DYNLRB2: variants seen among roughly 807,000 people sequenced by gnomAD.
The protein encoded by DYNLRB2 is dynein light chain roadblock-type 2.
In DYNLRB2, 14 loss-of-function variants were observed where a neutral mutation model predicts 12.6. The observed-to-expected ratio is 1.11, with a 90% CI of 0.73 to 1.73. The LOEUF is 1.73. DYNLRB2 is among the 40% of genes most tolerant of loss of function. DYNLRB2 has a pLI of 0.00. For synonymous variants in DYNLRB2, 53 were observed against 37.0 expected (o/e 1.43, Z -1.57); for missense variants, 142 against 117.7 (o/e 1.21, Z -0.95).
chr16:80,550,639 A>G lies in DYNLRB2; in HGVS notation c.*81A>G, dbSNP rs1904787583. 3 of 1,442,106 alleles carry G rather than the reference A, an allele frequency of 2.1e-6. No individual in the cohort carries two copies. The highest frequency in any genetic ancestry group is 2.3e-5 in the South Asian group (2 of 86,942). The allele number at this position is 1,442,106 out of a possible 1,614,324, so 89.3% of individuals were successfully genotyped here. A position where few individuals can be genotyped will look rare whatever the true frequency, so the allele number is the denominator to read the frequency against. On this transcript the variant is annotated 3_prime_UTR_variant, in exon 4 of 4. Coordinates refer to ENST00000305904, the MANE Select transcript of DYNLRB2 (RefSeq NM_130897.3). ...TCATGAGTATTAAAATTCTATTTCAATCTAACTGACCCTTCAAACATTCTT... is the reference window on the plus strand; with the variant it reads ...TCATGAGTATTAAAATTCTATTTCAGTCTAACTGACCCTTCAAACATTCTT...
intron 1 of DYNLRB2, among the ~76,000 whole-genome samples, chr16:80,542,141 G>T (rs955767735): frequency 6.6e-6 from 1 of 152,052 alleles, no homozygotes; most frequent in Non-Finnish European, 1.5e-5. Context: ...TTAATGATAG[G>T]CTCTCTCTTC....
At chr16:80,543,127 T>A (rs2142305985) in intron 1 of DYNLRB2, 149 bp from the exon 2 acceptor site, 1 of 710,522 alleles carries the variant, frequency 1.4e-6, no homozygotes, top group Non-Finnish European at 2.3e-6. Flanking sequence ...TGACAATTTC[T>A]AAGCTGTCTT....
chr16:80,548,858 A>C (rs1904650904), intron 2 of DYNLRB2: 2 of 440,968 alleles, frequency 4.5e-6, no homozygotes, highest in Non-Finnish European at 4.6e-6. Flanking sequence ...ATAAAACTTA[A>C]GATTTGTGAA....
rs13332289 is a variant in DYNLRB2, at chr16:80,543,313, A to G, written c.41A>G (p.His14Arg). Residue 14 changes from histidine to arginine, a missense_variant, in exon 2 of 4, where the codon CAT becomes CGT. His to Arg is a conservative substitution (Grantham distance 29, BLOSUM62 0). Transcript: ENST00000305904. ...GAAACCTTAAAGAGGATCCAGAGTC[A>G]TAAAGGGGTTATTGGAACTATGGTT... ...VEETLKRIQSHKGVIGTMVVN... is the reference protein window; with the variant it reads ...VEETLKRIQSRKGVIGTMVVN... 5.7e-4 allele frequency: 912 copies of G among 1,614,082 alleles called. 5 individuals carry two copies. In the African/African-American group the frequency reaches 0.011, roughly 19 times the overall value.
chr16:80,543,494 C>T, intron 2 of DYNLRB2, 143 bp downstream of exon 2: 1 of 752,900 alleles, frequency 1.3e-6, no homozygotes, highest in Non-Finnish European at 2.1e-6. Flanking sequence ...ACTTACCAAA[C>T]ATCTATTGAG....
In DYNLRB2 at chr16:80,550,699, C is replaced by A; in HGVS notation, c.*141C>A. The A allele has an allele frequency of 4.5e-6, 4 of 880,016 alleles. No individual in the cohort carries two copies. The highest frequency in any genetic ancestry group is 1.6e-5 in the South Asian group (1 of 62,752). 54.5% of individuals were successfully genotyped at this position (880,016 alleles called of 1,614,324 possible). A position where few individuals can be genotyped will look rare whatever the true frequency, so the allele number is the denominator to read the frequency against. The stretch of plus-strand genomic sequence containing the variant: ...TATATCTAAACTGTTCTGCATGTCT[C>A]ATTTAGTCCCTTTTGATTATATTGT... On this transcript the variant is annotated 3_prime_UTR_variant, in exon 4 of 4. Transcript: ENST00000305904.
Position 80,549,507 on chromosome 16 carries a change from G to A in DYNLRB2, c.103G>A (p.Asp35Asn), listed in dbSNP as rs199741550. The change falls in exon 3 of 4, where the codon GAC becomes AAC. Residue 35 changes from aspartate to asparagine, a missense_variant. Coordinates refer to ENST00000305904, the MANE Select transcript of DYNLRB2 (RefSeq NM_130897.3). Reference sequence around the variant, plus strand: ...AGGTATTCCCATCCGAACAACCTTGGACAACTCAACAACTGTTCAATATGC... The same window carrying A: ...AGGTATTCCCATCCGAACAACCTTGAACAACTCAACAACTGTTCAATATGC... ...AEGIPIRTTL[D>N]NSTTVQYAGL... The A allele has an allele frequency of 6.2e-7, 1 of 1,609,284 alleles. No homozygotes were observed. Among genetic ancestry groups the A allele is most frequent in the East Asian group, 2.2e-5 (1 of 44,800 alleles).
chr16:80,548,310 A>G (rs1373435673), intron 2 of DYNLRB2: 1 of 157,678 alleles, frequency 6.3e-6, no homozygotes, highest in Non-Finnish European at 1.4e-5. Context: ...GGTACATAAT[A>G]GGCATTAATG....
chr16:80,548,726 C>CAA (rs5818303), intron 2 of DYNLRB2, among the ~76,000 whole-genome samples: 1 of 128,332 alleles, frequency 7.8e-6, no homozygotes, highest in African/African-American at 3.3e-5. Flanking sequence ...GACTCCGTCT[C>CAA]AAAAAAAAAA....
chr16:80,549,204 ATGT>A (rs373580396), intron 2 of DYNLRB2: 20 of 368,410 alleles, frequency 5.4e-5, no homozygotes, highest in African/African-American at 2.0e-4. Flanking sequence ...ATTAAAAATA[ATGT>A]TGATGACATT....
intron 2 of DYNLRB2, among the ~76,000 whole-genome samples, chr16:80,547,310 G>T (rs1171653588): frequency 6.6e-6 from 1 of 152,130 alleles, no homozygotes; most frequent in African/African-American, 2.4e-5. Context: ...GTCTCTAGAA[G>T]GCTTCTAAGA....
At chr16:80,548,835 C>T (rs538572234) in intron 2 of DYNLRB2, 2 of 421,942 alleles carry the variant, frequency 4.7e-6, no homozygotes, top group African/African-American at 4.1e-5. Context: ...TCCTTATTAC[C>T]ACATTTTCTA....
chr16:80,547,830 C>G (rs1904574086), intron 2 of DYNLRB2: 6 of 456,410 alleles, frequency 1.3e-5, no homozygotes, highest in South Asian at 7.7e-5. Context: ...CAACAAATCA[C>G]AATAAAAGAT....
intron 2 of DYNLRB2, among the ~76,000 whole-genome samples, chr16:80,546,127 C>A (rs12445886): frequency 6.6e-6 from 1 of 152,216 alleles, no homozygotes; most frequent in Non-Finnish European, 1.5e-5. Flanking sequence ...TTTTATGGTT[C>A]GATTGTTAAT....
Position 80,550,579 on chromosome 16 carries a change from T to C in DYNLRB2, c.*21T>C. On this transcript the variant is annotated 3_prime_UTR_variant, in exon 4 of 4. Coordinates refer to ENST00000305904, the MANE Select transcript of DYNLRB2 (RefSeq NM_130897.3). ...AATAGACCTGCGATGGCCAAGGCTGTTTAAGCGACACTGGGTTGGAAACAC... is the reference window on the plus strand; with the variant it reads ...AATAGACCTGCGATGGCCAAGGCTGCTTAAGCGACACTGGGTTGGAAACAC... 1 of 1,614,162 alleles carries C rather than the reference T, an allele frequency of 6.2e-7. No homozygotes were observed.
intron 2 of DYNLRB2, among the ~76,000 whole-genome samples, chr16:80,546,338 ATGTATT>A (rs1567517615): frequency 6.6e-6 from 1 of 152,084 alleles, no homozygotes; most frequent in Non-Finnish European, 1.5e-5. Context: ...ATGGTGTTTT[ATGTATT>A]CTTGTTTTCT....
At position 80,543,293 on chromosome 16, in the gene DYNLRB2, C is replaced by A; in HGVS notation, c.21C>A (p.Thr7=). The A allele has an allele frequency of 6.2e-7, 1 of 1,613,960 alleles. No individual in the cohort carries two copies. Among genetic ancestry groups the A allele is most frequent in the Non-Finnish European group, 8.5e-7 (1 of 1,179,920 alleles). Residue 7 remains threonine (T), a synonymous_variant, in exon 2 of 4, where the codon ACC becomes ACA. Coordinates refer to ENST00000305904, the MANE Select transcript of DYNLRB2 (RefSeq NM_130897.3). MAEVEE[T]LKRIQSHKGV... ...TCTTTCAGGCAGAGGTGGAGGAAAC[C>A]TTAAAGAGGATCCAGAGTCATAAAG...
chr16:80,546,414 T>G (rs991148067), intron 2 of DYNLRB2, among the ~76,000 whole-genome samples: 2 of 152,234 alleles, frequency 1.3e-5, no homozygotes, highest in Admixed American at 1.3e-4. Flanking sequence ...AGATTATATT[T>G]GTGGTTAGGT....
chr16:80,546,642 G>A (rs1022647876), intron 2 of DYNLRB2, among the ~76,000 whole-genome samples: 1 of 152,140 alleles, frequency 6.6e-6, no homozygotes, highest in Non-Finnish European at 1.5e-5. Context: ...TTGCAACACT[G>A]ATCATTGAAT....
Sources: gnomAD v4.1 joint callset for allele counts (sites outside exome capture counted in the v4.1 genomes callset) on GRCh38, gnomAD v4.1.1 for gene constraint, MANE v1.5 for transcripts, NCBI Gene and HGNC (gene_info 2026-07-23, HGNC 2026-07-21) for gene names.